Variants in RASSF1 observed in about 807,000 individuals in gnomAD.
RASSF1 encodes ras association domain-containing protein 1.
RASSF1 carries 33 observed loss-of-function variants against 34.3 expected under a neutral mutation model. The ratio of observed to expected loss-of-function variants is 0.96; its 90% CI spans 0.73 to 1.29. The LOEUF is 1.29. RASSF1 is among the 50% of genes most tolerant of loss of function. The pLI is 0.00. For synonymous variants in RASSF1, 191 were observed against 195.0 expected (o/e 0.98, Z 0.17); for missense variants, 445 against 471.8 (o/e 0.94, Z 0.53).
chr3:50,336,953 T>A (rs1703160619), intron 2 of RASSF1: 1 of 618,100 alleles, frequency 1.6e-6, no homozygotes, highest in Admixed American at 3.2e-5. Context: ...TCAACCTGTC[T>A]GTGACAGAAA....
At chr3:50,339,490 C>T (rs779901093) in intron 1 of RASSF1, among the ~76,000 whole-genome samples, 3 of 151,146 alleles carry the variant, frequency 2.0e-5, no homozygotes, top group South Asian at 2.1e-4. Flanking sequence ...CTCAGCCTCC[C>T]GAGTAGCTGG....
chr3:50,330,776 G>T lies in RASSF1; in HGVS notation c.877-49C>A. Reference sequence around the variant, plus strand: ...TACAGGCTGCAGAAGGGATGGCCAAGCCAGCAGACCCTCCCCAGAGAAGAC... The same window carrying T: ...TACAGGCTGCAGAAGGGATGGCCAATCCAGCAGACCCTCCCCAGAGAAGAC... On this transcript the variant is annotated intron_variant, in intron 5 of 5. Coordinates refer to ENST00000359365, the MANE Select transcript of RASSF1 (RefSeq NM_007182.5). The surrounding 1 kb of genome is among the most constrained non-coding windows in gnomAD (Gnocchi z 4.5). The T allele has an allele frequency of 6.3e-7, 1 of 1,587,562 alleles. No individual in the cohort carries two copies.
At position 50,331,404 on chromosome 3, in the gene RASSF1, C is replaced by T. The variant is rs112345333; in HGVS notation, c.806G>A (p.Arg269Gln). 36 of 1,606,444 alleles carry T rather than the reference C, an allele frequency of 2.2e-5. 1 individual carries two copies. Among genetic ancestry groups the T allele is most frequent in the African/African-American group, 1.6e-4 (12 of 74,608 alleles). Residue 269 changes from arginine to glutamine, a missense_variant, in exon 5 of 6, where the codon CGG (arginine) becomes CAG (glutamine). By Grantham distance (43) the Arg-to-Gln change is conservative. Coordinates refer to ENST00000359365, the MANE Select transcript of RASSF1 (RefSeq NM_007182.5). ...LLDDEQPLRL[R>Q]LLAGPSDKAL... ...CTTGTCACTGGGCCCTGCCAGGAGC[C>T]GCAGCCGCAGGGGCTGCTCATCATC...
In RASSF1 at chr3:50,330,741, A is replaced by G. The variant is rs782447999; in HGVS notation, c.877-14T>C. 1.2e-6 allele frequency: 2 copies of G among 1,613,384 alleles called. No individual in the cohort carries two copies. The highest frequency in any genetic ancestry group is 1.7e-6 in the Non-Finnish European group (2 of 1,179,668). ...GAAGGCGTCCCACTGCAAGGGGCAA[A>G]AGGGGAGTGTACAGGCTGCAGAAGG... On this transcript the variant is annotated splice_polypyrimidine_tract_variant and intron_variant, in intron 5 of 5. Coordinates refer to ENST00000359365, the MANE Select transcript of RASSF1 (RefSeq NM_007182.5). The surrounding 1 kb of genome is among the most constrained non-coding windows in gnomAD (Gnocchi z 4.5).
chr3:50,335,837 T>G lies in RASSF1; in HGVS notation c.357+2068A>C, dbSNP rs587635322. On this transcript the variant is annotated intron_variant, in intron 2 of 5. Transcript: ENST00000359365. ...GCCAGGCTGACCTCGAATTCCTGATTGCAAATGATCCACCTGCCTTGGCCT... is the reference window on the plus strand; with the variant it reads ...GCCAGGCTGACCTCGAATTCCTGATGGCAAATGATCCACCTGCCTTGGCCT... Among the ~76,000 whole-genome samples, 8 of 151,984 alleles carry G rather than the reference T, an allele frequency of 5.3e-5. No individual in the cohort carries two copies. The South Asian group carries it at 1.7e-3, about 32-fold the overall frequency.
intron 2 of RASSF1, chr3:50,337,539 C>G: frequency 6.7e-7 from 1 of 1,499,800 alleles, no homozygotes; most frequent in Non-Finnish European, 8.9e-7. Flanking sequence ...CAGGAATGAC[C>G]TCATCGCTCC....
At position 50,332,152 on chromosome 3, in the gene RASSF1, G is replaced by A. The variant is rs775856929; in HGVS notation, c.360C>T (p.Asp120=). The change falls in exon 3 of 6, where the codon GAC becomes GAT. Residue 120 remains aspartate, a splice_region_variant and synonymous_variant. Coordinates refer to ENST00000359365, the MANE Select transcript of RASSF1 (RefSeq NM_007182.5). ...EPAVERDTNV[D]EPVEWETPDL... Reference sequence around the variant, plus strand: ...CAGGTGTCTCCCACTCCACAGGCTCGTCCTGCAAGATGGGCCAGCATGGAC... The same window carrying A: ...CAGGTGTCTCCCACTCCACAGGCTCATCCTGCAAGATGGGCCAGCATGGAC... 15 of 1,613,826 alleles carry A rather than the reference G, an allele frequency of 9.3e-6. No homozygotes were observed. The highest frequency in any genetic ancestry group is 5.3e-5 in the African/African-American group (4 of 74,914).
intron 2 of RASSF1, among the ~76,000 whole-genome samples, chr3:50,333,487 T>G (rs962464295): frequency 6.6e-6 from 1 of 152,130 alleles, no homozygotes; most frequent in African/African-American, 2.4e-5. Context: ...AAGATTTTTT[T>G]TTTTTTTGAG....
At position 50,330,444 on chromosome 3, in the gene RASSF1, G is replaced by T; in HGVS notation, c.*137C>A. 2 of 1,261,092 alleles carry T rather than the reference G, an allele frequency of 1.6e-6. No homozygotes were observed. The highest frequency in any genetic ancestry group is 2.2e-6 in the Non-Finnish European group (2 of 908,254). 78.1% of individuals were successfully genotyped at this position (1,261,092 alleles called of 1,614,324 possible). On this transcript the variant is annotated 3_prime_UTR_variant, in exon 6 of 6. Transcript: ENST00000359365. This position sits in a 1 kb window ranked among gnomAD's most constrained non-coding sequence, Gnocchi z 4.5. ...GACACAGGGAGCAAGCTACTTCGCT[G>T]TTCTCTGGGCTCATTCCCCCAGCAC...
rs587774276 is a variant in RASSF1, at chr3:50,331,793, C to T, written c.526G>A (p.Val176Met). The part of the protein sequence containing the change: ...VQLKLVRPVS[V>M]PSSKKPPSLQ... The stretch of plus-strand genomic sequence containing the variant: ...GAGGGTGGCTTCTTGCTGGAGGGCA[C>T]AGAGACAGGGCGCACCAGCTTCAGC... Residue 176 changes from valine (V) to methionine (M), a missense_variant, in exon 4 of 6, where the codon GTG becomes ATG. Val to Met is a conservative substitution (Grantham distance 21, BLOSUM62 1). Coordinates refer to ENST00000359365, the MANE Select transcript of RASSF1 (RefSeq NM_007182.5). The T allele has an allele frequency of 1.2e-5, 19 of 1,602,712 alleles. No homozygotes were observed. In the Admixed American group the frequency reaches 1.7e-4, roughly 14 times the overall value.
intron 2 of RASSF1, among the ~76,000 whole-genome samples, chr3:50,333,561 C>G (rs1703019294): frequency 6.6e-6 from 1 of 151,868 alleles, no homozygotes; most frequent in Non-Finnish European, 1.5e-5. Flanking sequence ...ACTGCAAGTT[C>G]TGCCTCCTGG....
intron 2 of RASSF1, chr3:50,337,247 C>T (rs1371109797): frequency 1.2e-6 from 2 of 1,613,112 alleles, no homozygotes; most frequent in Non-Finnish European, 1.7e-6. Context: ...TCCGAGTCCT[C>T]TTGGCTGCAG....
At position 50,333,831 on chromosome 3, in the gene RASSF1, T is replaced by A. The variant is rs143995620; in HGVS notation, c.358-1677A>T. On this transcript the variant is annotated intron_variant, in intron 2 of 5. Transcript: ENST00000359365. ...TCCCCACCTCATCTAGGGACTGGATTCTTGCCGGAAGGGTGGAGTGTGGGA... is the reference window on the plus strand; with the variant it reads ...TCCCCACCTCATCTAGGGACTGGATACTTGCCGGAAGGGTGGAGTGTGGGA... Among the ~76,000 whole-genome samples, 6 of 152,296 alleles carry A rather than the reference T, an allele frequency of 3.9e-5. No individual in the cohort carries two copies. The East Asian group carries it at 1.2e-3, about 29-fold the overall frequency.
rs1328293016 is a variant in RASSF1, at chr3:50,337,936, CAGCCCAG to C, written c.319_325del (p.Leu107GlyfsTer44). On this transcript the variant is annotated frameshift_variant, in exon 2 of 6. Coordinates refer to ENST00000359365, the MANE Select transcript of RASSF1 (RefSeq NM_007182.5). LOFTEE classifies it high-confidence loss of function. ...CGTGTCCCGCTCCACCGCGGGTTCC[CAGCCCAG>C]GTCCCGGGGCCCGCAACAGTCCAGG... 18 of 1,612,192 alleles carry C rather than the reference CAGCCCAG, an allele frequency of 1.1e-5. No homozygotes were observed. Among genetic ancestry groups the C allele is most frequent in the Non-Finnish European group, 1.5e-5 (18 of 1,179,254 alleles).
At chr3:50,337,745 C>T (rs1013493027) in intron 2 of RASSF1, 160 bp downstream of exon 2, 9 of 897,122 alleles carry the variant, frequency 1.0e-5, no homozygotes, top group South Asian at 1.7e-5. Context: ...GCAATCCAGG[C>T]TCCCCTCCCA....
At chr3:50,337,033 T>A (rs1481871862) in intron 2 of RASSF1, 1 of 1,188,696 alleles carries the variant, frequency 8.4e-7, no homozygotes, top group East Asian at 2.8e-5. Context: ...CGCGGGCAGG[T>A]CCCCGGCCAG....
At chr3:50,331,475 G>GAC in intron 4 of RASSF1, 26 bp from the exon 5 acceptor site, 2 of 1,561,186 alleles carry the variant, frequency 1.3e-6, no homozygotes, top group Non-Finnish European at 1.7e-6. Context: ...AATGATCAGA[G>GAC]ACAGGGCCAG....
intron 1 of RASSF1, 96 bp from the exon 2 acceptor site, chr3:50,338,107 C>T: frequency 6.6e-7 from 1 of 1,505,570 alleles, no homozygotes; most frequent in South Asian, 1.3e-5. Flanking sequence ...CGCTGCTCGC[C>T]AGGCTCCGCA....
At chr3:50,335,279 A>C (rs1328439293) in intron 2 of RASSF1, among the ~76,000 whole-genome samples, 1 of 145,316 alleles carries the variant, frequency 6.9e-6, no homozygotes, top group Non-Finnish European at 1.5e-5. Context: ...TTTTTTTAAC[A>C]TATAACTTGG....
Sources: gnomAD v4.1 joint callset for allele counts (sites outside exome capture counted in the v4.1 genomes callset) on GRCh38, gnomAD v4.1.1 for gene constraint, Gnocchi (gnomAD v3.1) non-coding constraint, MANE v1.5 for transcripts, NCBI Gene and HGNC (gene_info 2026-07-23, HGNC 2026-07-21) for gene names.